The following PHLPP1 variants were observed in gnomAD, a reference collection of about 807,000 sequenced individuals.
PHLPP1 encodes PH domain and leucine rich repeat protein phosphatase 1.
Under a neutral mutation model 117.2 loss-of-function variants are expected in PHLPP1, and 42 were observed. That is an observed-to-expected ratio of 0.36 (90% confidence interval 0.28 to 0.46). The LOEUF (loss-of-function observed/expected upper bound fraction) is 0.46, where lower values mean the gene tolerates loss of function less well. Ranked by LOEUF, PHLPP1 falls within the 20% of genes least tolerant of loss-of-function variation. PHLPP1 has a pLI of 1.00. For missense variants in PHLPP1, 2,084 were observed against 2,241.9 expected (o/e 0.93, Z 1.42); for synonymous variants, 1,042 against 970.7 (o/e 1.07, Z -1.37).
chr18:62,932,140 G>A (rs959975662), intron 10 of PHLPP1, among the ~76,000 whole-genome samples: 7 of 152,072 alleles, frequency 4.6e-5, no homozygotes, highest in African/African-American at 1.7e-4. Context: ...ATCTACCAAT[G>A]GAAAAGAAAG....
At chr18:62,721,433 T>G (rs896026264) in intron 1 of PHLPP1, among the ~76,000 whole-genome samples, 3 of 143,718 alleles carry the variant, frequency 2.1e-5, no homozygotes, top group Admixed American at 6.9e-5. Context: ...GGTGTGGGTG[T>G]GTGTGTGTGT....
intron 1 of PHLPP1, among the ~76,000 whole-genome samples, chr18:62,779,912 G>T (rs1913071472): frequency 6.6e-6 from 1 of 152,174 alleles, no homozygotes. Flanking sequence ...TGGGCTGGAG[G>T]TCAGGAAGCC....
At chr18:62,841,901 G>A (rs1174496939) in intron 3 of PHLPP1, among the ~76,000 whole-genome samples, 1 of 152,178 alleles carries the variant, frequency 6.6e-6, no homozygotes, top group East Asian at 1.9e-4. Context: ...GATTAGAGAA[G>A]CTGTGTAGTG....
chr18:62,802,443 T>C (rs1021794751), intron 1 of PHLPP1, among the ~76,000 whole-genome samples: 3 of 152,068 alleles, frequency 2.0e-5, no homozygotes, highest in African/African-American at 7.2e-5. Context: ...CAGAATAATT[T>C]TGATGATTGA....
At chr18:62,894,959 T>A in intron 4 of PHLPP1, 52 bp from the exon 5 acceptor site, 1 of 1,414,386 alleles carries the variant, frequency 7.1e-7, no homozygotes, top group South Asian at 1.2e-5. Flanking sequence ...AAAATTATGA[T>A]GTTAATGACA....
intron 1 of PHLPP1, among the ~76,000 whole-genome samples, chr18:62,729,338 A>G (rs2122057581): frequency 6.6e-6 from 1 of 152,262 alleles, no homozygotes; most frequent in Middle Eastern, 3.4e-3. Flanking sequence ...CCTTTGCTGT[A>G]GTTGACTATA....
In PHLPP1 at chr18:62,829,844, G is replaced by A. The variant is rs551859549; in HGVS notation, c.1577-191G>A. Among the ~76,000 whole-genome samples, 6 of 152,288 alleles carry A rather than the reference G, an allele frequency of 3.9e-5. No individual in the cohort carries two copies. In the South Asian group the frequency reaches 8.3e-4, roughly 21 times the overall value. On this transcript the variant is annotated intron_variant, in intron 1 of 16. Transcript: ENST00000262719. ...GAAAAGGCTCTTCACTTATTGTTAC[G>A]TGTACATGTGGAGATGTAGTTCTTA...
At chr18:62,728,567 G>T (rs970173135) in intron 1 of PHLPP1, among the ~76,000 whole-genome samples, 2 of 150,654 alleles carry the variant, frequency 1.3e-5, no homozygotes, top group African/African-American at 4.9e-5. Flanking sequence ...GCAGTGGCGC[G>T]ATCTTGGTTC....
chr18:62,794,067 G>A (rs1913548594), intron 1 of PHLPP1, among the ~76,000 whole-genome samples: 1 of 152,028 alleles, frequency 6.6e-6, no homozygotes, highest in Admixed American at 6.5e-5. Flanking sequence ...TTTTAATATT[G>A]GGAGGTTATG....
chr18:62,849,821 A>T (rs1915281950), intron 3 of PHLPP1, among the ~76,000 whole-genome samples: 4 of 94,752 alleles, frequency 4.2e-5, no homozygotes, highest in African/African-American at 1.7e-4. Context: ...AAAAAAAAAA[A>T]AAAAAAAAAA....
intron 3 of PHLPP1, among the ~76,000 whole-genome samples, chr18:62,854,102 G>T (rs1023698795): frequency 6.6e-6 from 1 of 152,170 alleles, no homozygotes; most frequent in African/African-American, 2.4e-5. Flanking sequence ...ATACTGTTAA[G>T]CTGGTGCCCT....
chr18:62,860,576 G>T lies in PHLPP1; in HGVS notation c.2041G>T (p.Ala681Ser), dbSNP rs772829773. ...FLRQNPSLPA[A>S]RGLNELQRFT... The stretch of plus-strand genomic sequence containing the variant: ...AAGGCAGAACCCTAGCCTTCCAGCT[G>T]CCAGGGGGCTTAATGAACTGCAAAG... Residue 681 changes from alanine (A) to serine (S), a missense_variant, in exon 4 of 17, where the codon GCC becomes TCC. By Grantham distance (99) the Ala-to-Ser change is moderately conservative (BLOSUM62 1). Transcript: ENST00000262719. 7 of 1,613,168 alleles carry T rather than the reference G, an allele frequency of 4.3e-6. No homozygotes were observed. The South Asian group carries it at 7.7e-5, about 18-fold the overall frequency.
intron 1 of PHLPP1, among the ~76,000 whole-genome samples, chr18:62,827,392 C>T (rs1351535956): frequency 6.6e-6 from 1 of 152,168 alleles, no homozygotes; most frequent in Admixed American, 6.5e-5. Context: ...TGGAATTCCT[C>T]TGAGTTGAGA....
intron 15 of PHLPP1, among the ~76,000 whole-genome samples, chr18:62,972,980 T>C (rs1193649326): frequency 6.6e-6 from 1 of 152,222 alleles, no homozygotes; most frequent in Non-Finnish European, 1.5e-5. Context: ...CCTGTGTTGA[T>C]TGCAGATTTT....
intron 14 of PHLPP1, among the ~76,000 whole-genome samples, chr18:62,967,110 T>C (rs1910926467): frequency 2.0e-5 from 3 of 152,172 alleles, no homozygotes; most frequent in Admixed American, 6.5e-5. Context: ...GGACATATTA[T>C]GGTTTGTTTT....
intron 6 of PHLPP1, among the ~76,000 whole-genome samples, chr18:62,900,832 T>C (rs540552815): frequency 1.3e-5 from 2 of 152,302 alleles, no homozygotes; most frequent in South Asian, 2.1e-4. Flanking sequence ...CAAATAACTA[T>C]GTGAGATAGT....
chr18:62,978,149 A>T lies in PHLPP1; in HGVS notation c.3985-113A>T. On this transcript the variant is annotated intron_variant, in intron 16 of 16. Coordinates refer to ENST00000262719, the MANE Select transcript of PHLPP1 (RefSeq NM_194449.4). The surrounding 1 kb of genome is among the most constrained non-coding windows in gnomAD (Gnocchi z 7.0). ...CCCTTCTTTCCTCTGTGGGCCACAC[A>T]GCACTTCTCTGTGGTCCTACAGTCG... 1.6e-6 allele frequency: 1 copy of T among 628,280 alleles called. No individual in the cohort carries two copies. The highest frequency in any genetic ancestry group is 4.4e-4 in the Middle Eastern group (1 of 2,294). 38.9% of individuals were successfully genotyped at this position (628,280 alleles called of 1,614,324 possible). A position where few individuals can be genotyped will look rare whatever the true frequency, so the allele number is the denominator to read the frequency against.
At chr18:62,737,462 C>T (rs570923804) in intron 1 of PHLPP1, among the ~76,000 whole-genome samples, 3 of 152,250 alleles carry the variant, frequency 2.0e-5, no homozygotes, top group South Asian at 2.1e-4. Flanking sequence ...GATAGATTGG[C>T]GAGGGACTAA....
In PHLPP1 at chr18:62,978,225, G is replaced by C. The variant is rs752787297; in HGVS notation, c.3985-37G>C. 3.8e-6 allele frequency: 5 copies of C among 1,312,628 alleles called. No individual in the cohort carries two copies. In the Admixed American group the frequency reaches 7.5e-5, roughly 20 times the overall value. 81.3% of individuals were successfully genotyped at this position (1,312,628 alleles called of 1,614,324 possible). A position where few individuals can be genotyped will look rare whatever the true frequency, so the allele number is the denominator to read the frequency against. ...CCTGCACAGTTGCCGCAGGTGCTCT[G>C]TATTAACTGTCTGTCTGCAAACCCT... On this transcript the variant is annotated intron_variant, in intron 16 of 16. Coordinates refer to ENST00000262719, the MANE Select transcript of PHLPP1 (RefSeq NM_194449.4). The surrounding 1 kb of genome is among the most constrained non-coding windows in gnomAD (Gnocchi z 7.0).
Sources: allele counts gnomAD v4.1 joint callset (sites outside exome capture counted in the v4.1 genomes callset), GRCh38; gene constraint gnomAD v4.1.1; non-coding constraint Gnocchi (gnomAD v3.1); transcripts MANE v1.5; gene names NCBI Gene and HGNC (gene_info 2026-07-23, HGNC 2026-07-21).